Variants in ERH observed in about 807,000 individuals in gnomAD.
ERH encodes the protein enhancer of rudimentary homolog.
ERH carries 1 observed loss-of-function variant against 16.8 expected under a neutral mutation model. That is an observed-to-expected ratio of 0.06 (90% CI 0.02 to 0.28). The LOEUF (loss-of-function observed/expected upper bound fraction) is 0.28, where lower values mean the gene tolerates loss of function less well. ERH is among the 10% of genes least tolerant of loss of function. ERH has a pLI of 1.00. For synonymous variants in ERH, 43 were observed against 43.6 expected, an observed-to-expected ratio of 0.99 and a Z score of 0.05; for missense variants, 42 against 127.5, an observed-to-expected ratio of 0.33 and a Z score of 3.23.
chr14:69,387,939 G>A (rs1366247791), intron 2 of ERH, among the ~76,000 whole-genome samples: 1 of 152,162 alleles, frequency 6.6e-6, no homozygotes, highest in African/African-American at 2.4e-5. Context: ...CCAGCTACTC[G>A]GGAGGCTGAA....
intron 1 of ERH, among the ~76,000 whole-genome samples, chr14:69,397,597 A>G (rs1882382434): frequency 6.6e-6 from 1 of 152,182 alleles, no homozygotes; most frequent in Admixed American, 6.5e-5. Context: ...CATTGTTCCT[A>G]CAGCAGGCTA....
At chr14:69,398,177 G>A (rs1882416089) in intron 1 of ERH, 54 bp downstream of exon 1, 4 of 1,611,732 alleles carry the variant, frequency 2.5e-6, no homozygotes, top group African/African-American at 1.3e-5. Context: ...TGGGGCTGGG[G>A]TCGCTCTGGA....
intron 2 of ERH, among the ~76,000 whole-genome samples, chr14:69,389,793 A>G (rs2045914210): frequency 6.6e-6 from 1 of 152,078 alleles, no homozygotes; most frequent in Non-Finnish European, 1.5e-5. Flanking sequence ...TTCCCTTGAG[A>G]CACAGTCTCA....
At chr14:69,397,567 A>G (rs1882381021) in intron 1 of ERH, among the ~76,000 whole-genome samples, 1 of 152,076 alleles carries the variant, frequency 6.6e-6, no homozygotes, top group African/African-American at 2.4e-5. Context: ...AGCTTCGAGA[A>G]TAGTTAGACA....
At chr14:69,387,823 T>A (rs1161599174) in intron 2 of ERH, among the ~76,000 whole-genome samples, 2 of 151,898 alleles carry the variant, frequency 1.3e-5, no homozygotes, top group South Asian at 2.1e-4. Flanking sequence ...GGCGGGCGGA[T>A]CACGAGGTCA....
At chr14:69,393,288 C>T (rs893562022) in intron 2 of ERH, among the ~76,000 whole-genome samples, 5 of 152,174 alleles carry the variant, frequency 3.3e-5, no homozygotes, top group African/African-American at 1.2e-4. Context: ...TGCACTCCAG[C>T]CTGGGCGACA....
intron 1 of ERH, among the ~76,000 whole-genome samples, chr14:69,397,436 G>C (rs548898757): frequency 5.4e-5 from 8 of 148,016 alleles, no homozygotes; most frequent in African/African-American, 2.0e-4. Flanking sequence ...GCAATACCTA[G>C]AGGTCTCAAA....
chr14:69,398,120 G>A, intron 1 of ERH, 111 bp downstream of exon 1: 1 of 1,235,356 alleles, frequency 8.1e-7, no homozygotes, highest in South Asian at 1.4e-5. Flanking sequence ...GAGTGGCGGG[G>A]AGCATCACGC....
intron 2 of ERH, among the ~76,000 whole-genome samples, chr14:69,393,290 T>C (rs556161041): frequency 6.6e-6 from 1 of 152,306 alleles, no homozygotes; most frequent in East Asian, 1.9e-4. Flanking sequence ...CACTCCAGCC[T>C]GGGCGACAGA....
At chr14:69,385,200 T>C in intron 3 of ERH, among the ~76,000 whole-genome samples, 1 of 152,114 alleles carries the variant, frequency 6.6e-6, no homozygotes, top group Non-Finnish European at 1.5e-5. Context: ...CCTGTAACCA[T>C]CCAGGTGAGA....
intron 1 of ERH, among the ~76,000 whole-genome samples, chr14:69,396,779 C>A (rs1312966592): frequency 1.3e-5 from 2 of 152,158 alleles, no homozygotes; most frequent in Non-Finnish European, 2.9e-5. Flanking sequence ...AGGATTAACT[C>A]TCACCTGTAA....
At chr14:69,385,938 C>T (rs1356804153) in intron 3 of ERH, among the ~76,000 whole-genome samples, 1 of 152,232 alleles carries the variant, frequency 6.6e-6, no homozygotes, top group Non-Finnish European at 1.5e-5. Flanking sequence ...CATTCCTCTG[C>T]AGCCTCAAAG....
chr14:69,397,360 C>T (rs1000200655), intron 1 of ERH, among the ~76,000 whole-genome samples: 6 of 151,990 alleles, frequency 3.9e-5, no homozygotes, highest in African/African-American at 1.2e-4. Context: ...TACTTTTCAG[C>T]CTCCAGCCCC....
rs543155353 is a variant in ERH at position 69,388,655 on chromosome 14, C to T, written c.92-1572G>A. ...GGGATTACAGGCTTGAGCCATCGTG[C>T]CCGGCCTGATACTCTCCTTTCTTAT... On this transcript the variant is annotated intron_variant, in intron 2 of 3. Coordinates refer to ENST00000557016, the MANE Select transcript of ERH (RefSeq NM_004450.3). 2.3e-3 allele frequency among the ~76,000 whole-genome samples: 353 copies of T among 152,266 alleles called. 2 individuals are homozygous for T. Among genetic ancestry groups the T allele is most frequent in the Non-Finnish European group, 3.7e-3 (251 of 68,022 alleles).
chr14:69,398,147 C>A, intron 1 of ERH, 84 bp downstream of exon 1: 4 of 1,515,942 alleles, frequency 2.6e-6, no homozygotes, highest in East Asian at 2.3e-5. Context: ...GCATGGGGCT[C>A]GTGGGGAGGG....
chr14:69,386,890 A>G (rs1256921559), intron 3 of ERH, 73 bp downstream of exon 3: 2 of 1,468,316 alleles, frequency 1.4e-6, no homozygotes, highest in Non-Finnish European at 1.9e-6. Context: ...AGCTCCCAAT[A>G]CCATAAATCA....
chr14:69,390,059 GA>G (rs1405304894), intron 2 of ERH, among the ~76,000 whole-genome samples: 2 of 151,916 alleles, frequency 1.3e-5, no homozygotes, highest in Non-Finnish European at 2.9e-5. Context: ...ACGCCATGCA[GA>G]AAGTAAAGCC....
chr14:69,392,126 T>G (rs1272591192), intron 2 of ERH, among the ~76,000 whole-genome samples: 1 of 150,660 alleles, frequency 6.6e-6, no homozygotes, highest in African/African-American at 2.4e-5. Context: ...AAAAACATGG[T>G]CTTAAATAAA....
chr14:69,396,989 T>C (rs1363451301), intron 1 of ERH, among the ~76,000 whole-genome samples: 1 of 152,220 alleles, frequency 6.6e-6, no homozygotes, highest in Non-Finnish European at 1.5e-5. Flanking sequence ...TCTCAACTGC[T>C]ACTATAATAA....
Sources: gnomAD v4.1 joint callset for allele counts (sites outside exome capture counted in the v4.1 genomes callset) on GRCh38, gnomAD v4.1.1 for gene constraint, MANE v1.5 for transcripts, NCBI Gene and HGNC (gene_info 2026-07-23, HGNC 2026-07-21) for gene names.